The following MCC variants were observed in gnomAD, a reference collection of about 807,000 sequenced individuals.
MCC encodes MCC regulator of Wnt signaling pathway, also known as colorectal mutant cancer protein.
A neutral mutation model predicts 116.2 loss-of-function variants in MCC; 90 were observed. The ratio of observed to expected loss-of-function variants is 0.77; its 90% CI spans 0.65 to 0.92. The LOEUF (loss-of-function observed/expected upper bound fraction) is 0.92, where lower values mean the gene tolerates loss of function less well. MCC is among the 40% of genes least tolerant of loss of function. The pLI, the probability that MCC is intolerant of heterozygous loss-of-function variation, is 0.00. For synonymous variants in MCC, 578 were observed against 510.5 expected (o/e 1.13, Z -1.78); for missense variants, 1,516 against 1,312.2 (o/e 1.16, Z -2.40).
intron 3 of MCC, among the ~76,000 whole-genome samples, chr5:113,211,999 G>C (rs1207743718): frequency 6.6e-6 from 1 of 152,114 alleles, no homozygotes. Context: ...GGAATACATG[G>C]CTTCCCTGAG....
At chr5:113,343,639 A>G (rs534246997) in intron 2 of MCC, among the ~76,000 whole-genome samples, 15 of 152,352 alleles carry the variant, frequency 9.8e-5, no homozygotes, top group Admixed American at 5.2e-4. Context: ...TGTTCACCAC[A>G]GTACTCTCAG....
chr5:113,048,361 A>AC (rs1372526512), intron 16 of MCC, among the ~76,000 whole-genome samples: 1 of 152,194 alleles, frequency 6.6e-6, no homozygotes, highest in Non-Finnish European at 1.5e-5. Flanking sequence ...CCTTGCACTG[A>AC]CCTGCGCCAT....
chr5:113,345,276 T>A (rs968302018), intron 2 of MCC, among the ~76,000 whole-genome samples: 1 of 151,696 alleles, frequency 6.6e-6, no homozygotes, highest in South Asian at 2.1e-4. Flanking sequence ...TACGTTTTTT[T>A]TTTACTCCAA....
intron 3 of MCC, among the ~76,000 whole-genome samples, chr5:113,192,846 A>G (rs1762214016): frequency 6.6e-6 from 1 of 152,232 alleles, no homozygotes; most frequent in Non-Finnish European, 1.5e-5. Flanking sequence ...TGTCAGTATG[A>G]AAGTTTTTCC....
Position 113,143,349 on chromosome 5 carries a change from G to A in MCC, c.753C>T (p.Ser251=). ...KKLAKAQCEQ[S]HLMREHEDVQ... ...CATCCTCATGCTCTCTCATGAGGTGGGACTGCTCGCACTGGGAATAAGGGA... is the reference window on the plus strand; with the variant it reads ...CATCCTCATGCTCTCTCATGAGGTGAGACTGCTCGCACTGGGAATAAGGGA... The change falls in exon 5 of 19, where the codon TCC becomes TCT. Residue 251 remains serine (S), a synonymous_variant. Transcript: ENST00000408903. The A allele has an allele frequency of 6.2e-7, 1 of 1,613,684 alleles. No individual in the cohort carries two copies. Among genetic ancestry groups the A allele is most frequent in the African/African-American group, 1.3e-5 (1 of 75,018 alleles).
At chr5:113,289,135 A>G (rs1207828291) in intron 3 of MCC, among the ~76,000 whole-genome samples, 1 of 152,284 alleles carries the variant, frequency 6.6e-6, no homozygotes, top group East Asian at 1.9e-4. Context: ...GCTCAAGACC[A>G]GCCTGACCAA....
In MCC at chr5:113,053,717, C is replaced by G. The variant is rs1448742046; in HGVS notation, c.2448+8G>C. The G allele has an allele frequency of 6.3e-7, 1 of 1,599,246 alleles. No individual in the cohort carries two copies. The highest frequency in any genetic ancestry group is 1.1e-5 in the South Asian group (1 of 90,746). The stretch of plus-strand genomic sequence containing the variant: ...CAGCCTAGCACATGGGACCCACCCA[C>G]CACATACCTTCATGGCCATGAGCTC... On this transcript the variant is annotated splice_region_variant and intron_variant, in intron 15 of 18. Coordinates refer to ENST00000408903, the MANE Select transcript of MCC (RefSeq NM_001085377.2).
chr5:113,165,855 C>T (rs545938335), intron 3 of MCC, among the ~76,000 whole-genome samples: 1 of 152,044 alleles, frequency 6.6e-6, no homozygotes, highest in East Asian at 1.9e-4. Flanking sequence ...TAGCACACAG[C>T]TTCCCAGAAG....
intron 3 of MCC, among the ~76,000 whole-genome samples, chr5:113,208,758 T>C (rs1052540263): frequency 6.6e-6 from 1 of 152,200 alleles, no homozygotes; most frequent in Admixed American, 6.5e-5. Context: ...GTTTCTTAAA[T>C]GCTTTAGAGA....
intron 3 of MCC, among the ~76,000 whole-genome samples, chr5:113,198,104 T>C (rs1035305647): frequency 1.1e-4 from 16 of 152,236 alleles, no homozygotes; most frequent in Non-Finnish European, 1.6e-4. Flanking sequence ...TGTCATACTA[T>C]GTATAAGTCT....
At chr5:113,173,903 G>T (rs1761196168) in intron 3 of MCC, among the ~76,000 whole-genome samples, 1 of 152,156 alleles carries the variant, frequency 6.6e-6, no homozygotes, top group Admixed American at 6.5e-5. Context: ...GGGATTTACA[G>T]CCCACCACAC....
chr5:113,203,702 G>A (rs781756835), intron 3 of MCC, among the ~76,000 whole-genome samples: 2 of 152,154 alleles, frequency 1.3e-5, no homozygotes, highest in Non-Finnish European at 2.9e-5. Context: ...AACAACGCTG[G>A]ATCTTACACA....
At chr5:113,059,425 C>T (rs1384097798) in intron 14 of MCC, among the ~76,000 whole-genome samples, 2 of 152,174 alleles carry the variant, frequency 1.3e-5, no homozygotes, top group Admixed American at 6.5e-5. Flanking sequence ...CAGACAAAGG[C>T]GCTGGCGGTC....
At chr5:113,231,665 TC>T (rs2150334676) in intron 3 of MCC, among the ~76,000 whole-genome samples, 2 of 152,334 alleles carry the variant, frequency 1.3e-5, no homozygotes, top group South Asian at 4.1e-4. Context: ...CAACAAATTT[TC>T]TTGACAGCTA....
At chr5:113,275,467 A>G (rs1765786838) in intron 3 of MCC, among the ~76,000 whole-genome samples, 1 of 152,214 alleles carries the variant, frequency 6.6e-6, no homozygotes, top group Non-Finnish European at 1.5e-5. Flanking sequence ...ATTTTGGGCC[A>G]GAAAATAAAA....
chr5:113,121,717 A>T (rs2150269718), intron 6 of MCC, among the ~76,000 whole-genome samples: 1 of 152,344 alleles, frequency 6.6e-6, no homozygotes, highest in Non-Finnish European at 1.5e-5. Context: ...TTTAACTTCC[A>T]AGAAAAACTC....
chr5:113,064,007 G>C lies in MCC; in HGVS notation c.2190C>G (p.Ser730Arg). The C allele has an allele frequency of 2.5e-6, 4 of 1,613,138 alleles. No individual in the cohort carries two copies. The highest frequency in any genetic ancestry group is 3.4e-6 in the Non-Finnish European group (4 of 1,179,760). Residue 730 changes from serine to arginine, a missense_variant, in exon 14 of 19, where the codon AGC becomes AGG. Transcript: ENST00000408903. Reference protein sequence around the residue: ...VAGCSVQPWESLSSNSHTSTT... With the variant: ...VAGCSVQPWERLSSNSHTSTT... Reference sequence around the variant, plus strand: ...ACCTGGTGTGGCTGTTGGAGGAAAGGCTCTCCCAGGGCTGCACGCTGCAGC... The same window carrying C: ...ACCTGGTGTGGCTGTTGGAGGAAAGCCTCTCCCAGGGCTGCACGCTGCAGC...
intron 1 of MCC, among the ~76,000 whole-genome samples, chr5:113,446,240 T>G (rs1771215522): frequency 6.6e-6 from 1 of 152,080 alleles, no homozygotes. Context: ...ACAAAAAAAT[T>G]GACAAGCATG....
chr5:113,046,072 T>C (rs1752050710), intron 16 of MCC, among the ~76,000 whole-genome samples: 1 of 152,078 alleles, frequency 6.6e-6, no homozygotes, highest in African/African-American at 2.4e-5. Flanking sequence ...TAAATGGATC[T>C]AGTATTTGAA....
Sources: gnomAD v4.1 joint callset for allele counts (sites outside exome capture counted in the v4.1 genomes callset) on GRCh38, gnomAD v4.1.1 for gene constraint, MANE v1.5 for transcripts, NCBI Gene and HGNC (gene_info 2026-07-23, HGNC 2026-07-21) for gene names.